TAF2: variants seen among roughly 807,000 people sequenced by gnomAD.
The protein encoded by TAF2 is transcription initiation factor TFIID subunit 2.
TAF2 carries 61 observed loss-of-function variants against 138.5 expected under a neutral mutation model. That is an observed-to-expected ratio of 0.44 (90% CI 0.36 to 0.54). The LOEUF (loss-of-function observed/expected upper bound fraction) is 0.54. TAF2 is among the 20% of genes least tolerant of loss of function. The pLI is 0.00. For synonymous variants in TAF2, 475 were observed against 469.9 expected (o/e 1.01, Z -0.14); for missense variants, 1,090 against 1,427.9 (o/e 0.76, Z 3.81).
intron 22 of TAF2, among the ~76,000 whole-genome samples, chr8:119,753,470 C>A (rs1252935149): frequency 6.6e-6 from 1 of 152,090 alleles, no homozygotes; most frequent in Non-Finnish European, 1.5e-5. Flanking sequence ...TTAACCCTCC[C>A]AATTATTCAT....
intron 3 of TAF2, among the ~76,000 whole-genome samples, chr8:119,816,329 T>C (rs1825474534): frequency 6.6e-6 from 1 of 151,826 alleles, no homozygotes; most frequent in Non-Finnish European, 1.5e-5. Context: ...AGTGCTGGGA[T>C]TACAGGCATG....
At chr8:119,805,705 C>CA (rs1247256884) in intron 4 of TAF2, among the ~76,000 whole-genome samples, 97 of 147,922 alleles carry the variant, frequency 6.6e-4, no homozygotes, top group Non-Finnish European at 1.1e-3. Flanking sequence ...AACTCCGTCT[C>CA]AAAAAAAACA....
intron 18 of TAF2, among the ~76,000 whole-genome samples, chr8:119,777,808 G>A (rs1803920829): frequency 6.6e-6 from 1 of 152,228 alleles, no homozygotes; most frequent in East Asian, 1.9e-4. Flanking sequence ...AACTAATATT[G>A]TTTTTTATCC....
intron 25 of TAF2, among the ~76,000 whole-genome samples, chr8:119,742,004 T>C (rs1037723931): frequency 1.3e-5 from 2 of 152,210 alleles, no homozygotes; most frequent in Non-Finnish European, 2.9e-5. Flanking sequence ...AAATTACTTT[T>C]CACAAACTTA....
At chr8:119,811,888 C>T (rs1440594619) in intron 3 of TAF2, among the ~76,000 whole-genome samples, 1 of 151,350 alleles carries the variant, frequency 6.6e-6, no homozygotes, top group African/African-American at 2.4e-5. Context: ...AAAAATCTAC[C>T]TTAACAGGTT....
intron 2 of TAF2, among the ~76,000 whole-genome samples, chr8:119,828,022 C>T (rs1351481009): frequency 2.0e-5 from 3 of 152,008 alleles, no homozygotes; most frequent in South Asian, 2.1e-4. Context: ...GGATTACAAG[C>T]GTGAGCCACT....
intron 17 of TAF2, among the ~76,000 whole-genome samples, chr8:119,779,493 G>A (rs1298365120): frequency 6.6e-6 from 1 of 152,046 alleles, no homozygotes; most frequent in African/African-American, 2.4e-5. Context: ...TATATCAGGT[G>A]GACACAGAAA....
intron 1 of TAF2, 38 bp from the exon 2 acceptor site, chr8:119,831,769 T>C: frequency 7.7e-7 from 1 of 1,302,408 alleles, no homozygotes. Context: ...AAGGAAAAAA[T>C]AATTTTTATT....
intron 3 of TAF2, among the ~76,000 whole-genome samples, chr8:119,818,732 CCACA>C (rs199991010): frequency 0.34 from 37,500 of 110,562 alleles, 5,963 homozygotes; most frequent in Admixed American, 0.49. Context: ...AAAATGAAGT[CCACA>C]CACACACACA....
intron 17 of TAF2, 60 bp downstream of exon 17, chr8:119,780,993 A>G: frequency 6.6e-7 from 1 of 1,507,896 alleles, no homozygotes; most frequent in Non-Finnish European, 9.0e-7. Flanking sequence ...TTATTTGAAC[A>G]GTCTCCAACT....
chr8:119,783,086 A>G (rs1822785604), intron 16 of TAF2, among the ~76,000 whole-genome samples: 1 of 152,222 alleles, frequency 6.6e-6, no homozygotes, highest in Admixed American at 6.5e-5. Flanking sequence ...TGCTCACCAA[A>G]TATATTCTTC....
chr8:119,832,022 C>G (rs1826482227), intron 1 of TAF2, among the ~76,000 whole-genome samples: 1 of 151,974 alleles, frequency 6.6e-6, no homozygotes, highest in African/African-American at 2.4e-5. Context: ...AGCCGGGCAT[C>G]GTGGCACACG....
In TAF2 at chr8:119,832,774, G is replaced by A. The variant is rs1219504154; in HGVS notation, c.-210C>T. The stretch of plus-strand genomic sequence containing the variant: ...TAGAAGCCGCCGTCGACAAGCTTCT[G>A]TCACAGAGATGCTCCTCTCCGCAAG... On this transcript the variant is annotated 5_prime_UTR_variant, in exon 1 of 26. Coordinates refer to ENST00000378164, the MANE Select transcript of TAF2 (RefSeq NM_003184.4). 2.2e-5 allele frequency: 11 copies of A among 509,346 alleles called. No homozygotes were observed. The highest frequency in any genetic ancestry group is 3.8e-5 in the Non-Finnish European group (11 of 286,610). The allele number at this position is 509,346 out of a possible 1,614,324, so 31.6% of individuals were successfully genotyped here. A position where few individuals can be genotyped will look rare whatever the true frequency, so the allele number is the denominator to read the frequency against.
chr8:119,816,282 C>T lies in TAF2; in HGVS notation c.299+3064G>A, dbSNP rs946519680. Among the ~76,000 whole-genome samples the T allele has an allele frequency of 2.6e-5, 4 of 151,828 alleles. No individual in the cohort carries two copies. The East Asian group carries it at 7.8e-4, about 30-fold the overall frequency. On this transcript the variant is annotated intron_variant, in intron 3 of 25. Transcript: ENST00000378164. Reference sequence around the variant, plus strand: ...CTGTGTTAGCCAGGATAGTCTCGATCTCCTGACCTCATGATCTGCCCGCCT... The same window carrying T: ...CTGTGTTAGCCAGGATAGTCTCGATTTCCTGACCTCATGATCTGCCCGCCT...
intron 25 of TAF2, among the ~76,000 whole-genome samples, chr8:119,733,103 G>T (rs945407277): frequency 1.3e-5 from 2 of 152,138 alleles, no homozygotes; most frequent in Non-Finnish European, 2.9e-5. Context: ...GTATACCAGG[G>T]AGGGATCTTG....
At chr8:119,827,268 C>A (rs1235549141) in intron 2 of TAF2, among the ~76,000 whole-genome samples, 1 of 152,180 alleles carries the variant, frequency 6.6e-6, no homozygotes, top group Non-Finnish European at 1.5e-5. Context: ...GATATTTCTC[C>A]CTGATGCTCA....
intron 6 of TAF2, among the ~76,000 whole-genome samples, chr8:119,800,440 G>C (rs955444971): frequency 1.3e-5 from 2 of 152,180 alleles, no homozygotes; most frequent in Non-Finnish European, 2.9e-5. Context: ...GTTTGTCAAA[G>C]ATCAGATGGT....
At chr8:119,803,477 G>A (rs903176552) in intron 5 of TAF2, among the ~76,000 whole-genome samples, 2 of 152,174 alleles carry the variant, frequency 1.3e-5, no homozygotes, top group East Asian at 3.9e-4. Context: ...GATCACTTGA[G>A]GTCAGGAATT....
intron 3 of TAF2, among the ~76,000 whole-genome samples, chr8:119,818,732 C>CCACACACACACA (rs199991010): frequency 1.8e-4 from 20 of 110,970 alleles, no homozygotes; most frequent in African/African-American, 3.7e-4. Context: ...AAAATGAAGT[C>CCACACACACACA]CACACACACA....
Sources: allele counts gnomAD v4.1 joint callset (sites outside exome capture counted in the v4.1 genomes callset), GRCh38; gene constraint gnomAD v4.1.1; transcripts MANE v1.5; gene names NCBI Gene and HGNC (gene_info 2026-07-23, HGNC 2026-07-21).